Variants in PLEKHH3 observed in about 807,000 individuals in gnomAD.
PLEKHH3 encodes pleckstrin homology, MyTH4 and FERM domain containing H3.
PLEKHH3 carries 57 observed loss-of-function variants against 77.8 expected under a neutral mutation model. The ratio of observed to expected loss-of-function variants is 0.73; its 90% CI spans 0.59 to 0.91. PLEKHH3 has a LOEUF of 0.91. PLEKHH3 is among the 40% of genes least tolerant of loss of function. The pLI is 0.00. For missense variants in PLEKHH3, 1,082 were observed against 1,091.2 expected, an observed-to-expected ratio of 0.99 and a Z score of 0.12; for synonymous variants, 467 against 504.8, an observed-to-expected ratio of 0.93 and a Z score of 1.00.
chr17:42,671,559 C>A lies in PLEKHH3; in HGVS notation c.1077-1G>T. 1 of 1,607,274 alleles carries A rather than the reference C, an allele frequency of 6.2e-7. No individual in the cohort carries two copies. The highest frequency in any genetic ancestry group is 2.2e-5 in the East Asian group (1 of 44,718). On this transcript the variant is annotated splice_acceptor_variant, in intron 7 of 12. Transcript: ENST00000591022. LOFTEE classifies it high-confidence loss of function. The surrounding 1 kb of genome is among the most constrained non-coding windows in gnomAD (Gnocchi z 4.7). ...CGAGTCCGGGAGTGCCTGCTCGGTC[C>A]TGGGTTAGGAGGAACCCAGGGATCA...
rs1482043123 is a variant in PLEKHH3 at position 42,673,486 on chromosome 17, A to T, written c.561T>A (p.Ala187=). 19 of 1,610,838 alleles carry T rather than the reference A, an allele frequency of 1.2e-5. No homozygotes were observed. Among genetic ancestry groups the T allele is most frequent in the Non-Finnish European group, 1.6e-5 (19 of 1,179,014 alleles). Reference sequence around the variant, plus strand: ...CCCGCAATGCCACCCCCCAGCGCTCAGCCTCTGCCTGGCGTGGGGAGCAGA... The same window carrying T: ...CCCGCAATGCCACCCCCCAGCGCTCTGCCTCTGCCTGGCGTGGGGAGCAGA... ...VRLCSPRQAE[A]ERWGVALREV... is the part of the protein sequence containing the mutation. Residue 187 remains alanine, a synonymous_variant, in exon 5 of 13, where the codon GCT becomes GCA. Transcript: ENST00000591022.
At position 42,668,295 on chromosome 17, in the gene PLEKHH3, C is replaced by T. The variant is rs1397762863; in HGVS notation, c.2214G>A (p.Glu738=). The change falls in exon 13 of 13, where the codon GAG becomes GAA. Residue 738 remains glutamate, a synonymous_variant. Transcript: ENST00000591022. Reference sequence around the variant, plus strand: ...AGTAGGCATTCACCAGCTGCATGATCTCTTCCACCTAAGAGAGGGCAGAGG... The same window carrying T: ...AGTAGGCATTCACCAGCTGCATGATTTCTTCCACCTAAGAGAGGGCAGAGG... ...QLLLQSPQVE[E]IMQLVNAYLA... 1.9e-6 allele frequency: 3 copies of T among 1,547,908 alleles called. No homozygotes were observed. The highest frequency in any genetic ancestry group is 1.7e-4 in the Middle Eastern group (1 of 5,832).
intron 9 of PLEKHH3, 34 bp from the exon 10 acceptor site, chr17:42,670,739 A>C (rs771278063): frequency 1.3e-6 from 2 of 1,595,064 alleles, no homozygotes; most frequent in Non-Finnish European, 1.7e-6. Context: ...CGCTAGGGAG[A>C]AGCCGGACCC....
intron 1 of PLEKHH3, 54 bp from the exon 2 acceptor site, chr17:42,674,463 T>G: frequency 6.7e-7 from 1 of 1,498,356 alleles, no homozygotes; most frequent in Non-Finnish European, 9.0e-7. Flanking sequence ...TGCGCAAGGT[T>G]CGTGCCTTCT....
At chr17:42,674,274 C>T (rs1047192512) in intron 2 of PLEKHH3, 80 bp downstream of exon 2, 60 of 1,464,818 alleles carry the variant, frequency 4.1e-5, no homozygotes, top group Middle Eastern at 3.6e-4. Context: ...ATTGCACAAC[C>T]GCTAGGGGAG....
rs1446665895 is a variant in PLEKHH3 at position 42,676,773 on chromosome 17, A to AC, written c.-211_-210insG. On this transcript the variant is annotated 5_prime_UTR_variant, in exon 1 of 13. Transcript: ENST00000591022. The surrounding 1 kb of genome is among the most constrained non-coding windows in gnomAD (Gnocchi z 6.6). ...GGGGGCTCAGTGTCTGGGCCCCCGG[A>AC]GGGGGGAGGGGGAAAAGCGTCCAGG... The AC allele has an allele frequency of 1.7e-6, 1 of 592,918 alleles. No individual in the cohort carries two copies. Among genetic ancestry groups the AC allele is most frequent in the Admixed American group, 3.0e-5 (1 of 33,242 alleles). 36.7% of individuals were successfully genotyped at this position (592,918 alleles called of 1,614,324 possible).
intron 1 of PLEKHH3, chr17:42,675,838 G>C: frequency 1.0e-6 from 1 of 983,652 alleles, no homozygotes; most frequent in Non-Finnish European, 1.2e-6. Context: ...CCTCACCCGG[G>C]AAAGCCGAGA....
At position 42,673,809 on chromosome 17, in the gene PLEKHH3, T is replaced by A; in HGVS notation, c.324A>T (p.Gly108=). The part of the protein sequence containing the change: ...VKGWLYREPR[G]GGARPWLPPR... ...GGGGCAGCCAGGGCCGCGCCCCTCC[T>A]CCGCGGGGCTCCCGGTACAGCCAAC... Residue 108 remains glycine, a synonymous_variant, in exon 4 of 13, where the codon GGA becomes GGT. Transcript: ENST00000591022. 6.3e-7 allele frequency: 1 copy of A among 1,588,664 alleles called. No individual in the cohort carries two copies. Among genetic ancestry groups the A allele is most frequent in the Non-Finnish European group, 8.5e-7 (1 of 1,172,908 alleles).
chr17:42,671,188 G>T lies in PLEKHH3; in HGVS notation c.1285-58C>A. 1.3e-6 allele frequency: 2 copies of T among 1,532,932 alleles called. No individual in the cohort carries two copies. Among genetic ancestry groups the T allele is most frequent in the Non-Finnish European group, 1.8e-6 (2 of 1,139,304 alleles). 95.0% of individuals were successfully genotyped at this position (1,532,932 alleles called of 1,614,324 possible). ...AGGTCTTGCCAGGATTCTGGGAGGGGTTGATTCAATTGGAAGGGGTCTCTT... is the reference window on the plus strand; with the variant it reads ...AGGTCTTGCCAGGATTCTGGGAGGGTTTGATTCAATTGGAAGGGGTCTCTT... On this transcript the variant is annotated intron_variant, in intron 8 of 12. Coordinates refer to ENST00000591022, the MANE Select transcript of PLEKHH3 (RefSeq NM_024927.5). This position sits in a 1 kb window ranked among gnomAD's most constrained non-coding sequence, Gnocchi z 4.7.
chr17:42,673,302 G>A lies in PLEKHH3; in HGVS notation c.649-6C>T. 6.3e-7 allele frequency: 1 copy of A among 1,598,782 alleles called. No homozygotes were observed. Among genetic ancestry groups the A allele is most frequent in the East Asian group, 2.2e-5 (1 of 44,774 alleles). On this transcript the variant is annotated splice_polypyrimidine_tract_variant and splice_region_variant and intron_variant, in intron 5 of 12. Coordinates refer to ENST00000591022, the MANE Select transcript of PLEKHH3 (RefSeq NM_024927.5). ...TCTGGGTCCCCGCAACTTTCCTAGG[G>A]GGCCAGGGAGAGGGTCACCTTGATG...
chr17:42,676,311 G>A lies in PLEKHH3; in HGVS notation c.162+91C>T. 4.5e-6 allele frequency: 7 copies of A among 1,562,872 alleles called. No homozygotes were observed. Among genetic ancestry groups the A allele is most frequent in the South Asian group, 1.2e-5 (1 of 85,896 alleles). On this transcript the variant is annotated intron_variant, in intron 1 of 12. Coordinates refer to ENST00000591022, the MANE Select transcript of PLEKHH3 (RefSeq NM_024927.5). The surrounding 1 kb of genome is among the most constrained non-coding windows in gnomAD (Gnocchi z 6.6). Reference sequence around the variant, plus strand: ...CCCTCATCCCTAGTTCGCCAAGCGCGCAGCGTGTGGCTGGAGGCTGGAGCG... The same window carrying A: ...CCCTCATCCCTAGTTCGCCAAGCGCACAGCGTGTGGCTGGAGGCTGGAGCG...
chr17:42,669,529 G>A lies in PLEKHH3; in HGVS notation c.2106C>T (p.His702=). Residue 702 remains histidine (H), a synonymous_variant, in exon 12 of 13, where the codon CAC becomes CAT. Coordinates refer to ENST00000591022, the MANE Select transcript of PLEKHH3 (RefSeq NM_024927.5). The part of the protein sequence containing the change: ...LSRPGETEPI[H]SVSYGHVAAC... ...CGGCCACATGGCCATAGCTGACACT[G>A]TGGATGGGCTCCGTCTCCCCTGGCC... is the stretch of plus-strand genomic sequence containing the variant. 1 of 1,611,766 alleles carries A rather than the reference G, an allele frequency of 6.2e-7. No individual in the cohort carries two copies. Among genetic ancestry groups the A allele is most frequent in the East Asian group, 2.2e-5 (1 of 44,810 alleles).
At position 42,672,304 on chromosome 17, in the gene PLEKHH3, C is replaced by T. The variant is rs749253870; in HGVS notation, c.858G>A (p.Leu286=). 6 of 1,549,584 alleles carry T rather than the reference C, an allele frequency of 3.9e-6. No individual in the cohort carries two copies. The highest frequency in any genetic ancestry group is 5.2e-6 in the Non-Finnish European group (6 of 1,146,796). The change falls in exon 7 of 13, where the codon TTG becomes TTA. Residue 286 remains leucine, a synonymous_variant. Transcript: ENST00000591022. ...ALEGARRPGP[L]MQGVLQTCRD... ...GGCAGGTTTGGAGCACACCCTGCAT[C>T]AAGGGCCCGGGGCGCCGCGCCCCCT...
Position 42,668,182 on chromosome 17 carries a change from G to A in PLEKHH3, c.2327C>T (p.Pro776Leu), listed in dbSNP as rs777237540. Residue 776 changes from proline (P) to leucine (L), a missense_variant, in exon 13 of 13, where the codon CCG (proline) becomes CTG (leucine). Physicochemically the swap from Pro to Leu is moderately conservative, Grantham distance 98. This residue lies in a region of PLEKHH3 where 733 missense variants were observed against 750.0 expected (regional missense o/e 0.98). Transcript: ENST00000591022. ...LPDTSPPSQRPGLDEPQGQSG... is the reference protein window; with the variant it reads ...LPDTSPPSQRLGLDEPQGQSG... ...CTGTCCCTGGGGCTCGTCCAGGCCCGGGCGCTGGCTGGGAGGGGAGGTGTC... is the reference window on the plus strand; with the variant it reads ...CTGTCCCTGGGGCTCGTCCAGGCCCAGGCGCTGGCTGGGAGGGGAGGTGTC... 14 of 1,545,998 alleles carry A rather than the reference G, an allele frequency of 9.1e-6. No individual in the cohort carries two copies. Among genetic ancestry groups the A allele is most frequent in the African/African-American group, 2.8e-5 (2 of 70,284 alleles).
Position 42,673,977 on chromosome 17 carries a change from C to T in PLEKHH3, c.255G>A (p.Pro85=), listed in dbSNP as rs1220646196. ...QSWEETWSLI[P]EKGLPEDDPD... is the part of the protein sequence containing the mutation. ...GGTCGTCCTCCGGCAGCCCTTTCTC[C>T]GGGATGAGGCTCCAAGTCTCCTCCC... The change falls in exon 3 of 13, where the codon CCG becomes CCA. Residue 85 remains proline (P), a synonymous_variant. Coordinates refer to ENST00000591022, the MANE Select transcript of PLEKHH3 (RefSeq NM_024927.5). The T allele has an allele frequency of 1.2e-6, 2 of 1,613,400 alleles. No individual in the cohort carries two copies. The highest frequency in any genetic ancestry group is 1.7e-6 in the Non-Finnish European group (2 of 1,179,932).
chr17:42,673,946 T>C lies in PLEKHH3; in HGVS notation c.286A>G (p.Ile96Val), dbSNP rs199761060. 1.3e-5 allele frequency: 21 copies of C among 1,613,484 alleles called. No individual in the cohort carries two copies. The Admixed American group carries it at 2.3e-4, about 18-fold the overall frequency. Residue 96 changes from isoleucine to valine, a missense_variant, in exon 3 of 13, where the codon ATC becomes GTC. By Grantham distance (29) the Ile-to-Val change is conservative. Transcript: ENST00000591022. ...EKGLPEDDPD[I>V]VVKGWLYREP... The stretch of plus-strand genomic sequence containing the variant: ...GGGGGGTCTCTACCTTTCACAACGA[T>C]GTCCGGGTCGTCCTCCGGCAGCCCT...
At chr17:42,672,482 G>A in intron 6 of PLEKHH3, 90 bp from the exon 7 acceptor site, 1 of 1,168,696 alleles carries the variant, frequency 8.6e-7, no homozygotes, top group Non-Finnish European at 1.2e-6. Flanking sequence ...GAAGGTCAGA[G>A]GGAATATAAG....
chr17:42,674,219 G>A (rs1467680841), intron 2 of PLEKHH3, 135 bp downstream of exon 2: 13 of 1,207,866 alleles, frequency 1.1e-5, no homozygotes, highest in Non-Finnish European at 1.4e-5. Flanking sequence ...ACCGCCCCCC[G>A]GGACCCCAGC....
chr17:42,672,389 G>C lies in PLEKHH3; in HGVS notation c.773C>G (p.Pro258Arg). The C allele has an allele frequency of 2.2e-5, 34 of 1,511,166 alleles. No individual in the cohort carries two copies. The highest frequency in any genetic ancestry group is 2.9e-5 in the Non-Finnish European group (33 of 1,130,762). 93.6% of individuals were successfully genotyped at this position (1,511,166 alleles called of 1,614,324 possible). ...CTCCTCGCGCAGGGGTGCATAGCCC[G>C]GACCTGTGGGAGGGTGGGGGCGGAG... ...PLPYGVSAPGPGYAPLREEAV... is the reference protein window; with the variant it reads ...PLPYGVSAPGRGYAPLREEAV... Residue 258 changes from proline (P) to arginine (R), a missense_variant, in exon 7 of 13, where the codon CCG (proline) becomes CGG (arginine). By Grantham distance (103) the Pro-to-Arg change is moderately radical. Around this residue, in one of 3 missense-constraint regions of PLEKHH3, gnomAD observed 733 missense variants for 750.0 expected, o/e 0.98. Transcript: ENST00000591022.
Sources: allele counts gnomAD v4.1 joint callset, GRCh38; gene constraint gnomAD v4.1.1; regional missense constraint gnomAD v4.1.1; non-coding constraint Gnocchi (gnomAD v3.1); transcripts MANE v1.5; gene names NCBI Gene and HGNC (gene_info 2026-07-23, HGNC 2026-07-21).